RP1: variants seen among roughly 807,000 people sequenced by gnomAD.
RP1 encodes the protein RP1 axonemal microtubule associated, also known as oxygen-regulated protein 1.
RP1 carries 16 observed loss-of-function variants against 14.8 expected under a neutral mutation model. The observed-to-expected ratio is 1.08, with a 90% CI of 0.73 to 1.65. RP1 has a LOEUF of 1.65. RP1 is among the 40% of genes most tolerant of loss of function. RP1 has a pLI of 0.00. For missense variants in RP1, 2,631 were observed against 2,535.0 expected, an observed-to-expected ratio of 1.04 and a Z score of -0.81; for synonymous variants, 876 against 883.6, an observed-to-expected ratio of 0.99 and a Z score of 0.15.
At chr8:54,789,153 A>G (rs1228619126) in intron 24 of RP1, among the ~76,000 whole-genome samples, 1 of 152,168 alleles carries the variant, frequency 6.6e-6, no homozygotes, top group African/African-American at 2.4e-5. Flanking sequence ...GTTCACAGCA[A>G]CCAGTGCACA....
At chr8:54,864,221 A>G (rs190490319) in intron 27 of RP1, among the ~76,000 whole-genome samples, 1 of 152,290 alleles carries the variant, frequency 6.6e-6, no homozygotes, top group East Asian at 1.9e-4. Context: ...AAAAGGACGA[A>G]GGTGTCGATA....
chr8:54,667,131 T>C (rs1168479476), intron 7 of RP1, among the ~76,000 whole-genome samples: 1 of 152,028 alleles, frequency 6.6e-6, no homozygotes, highest in Non-Finnish European at 1.5e-5. Flanking sequence ...TTCATTTTTC[T>C]ATTTTTGTAC....
intron 24 of RP1, among the ~76,000 whole-genome samples, chr8:54,805,818 C>T (rs1045721221): frequency 6.6e-6 from 1 of 151,602 alleles, no homozygotes; most frequent in Admixed American, 6.6e-5. Flanking sequence ...TATATGGCAT[C>T]TGAAACTTTG....
chr8:54,791,424 A>G (rs1211791419), intron 24 of RP1, among the ~76,000 whole-genome samples: 3 of 152,120 alleles, frequency 2.0e-5, no homozygotes, highest in Admixed American at 1.3e-4. Context: ...AAAAATAAAT[A>G]TATATAGTCA....
At chr8:54,701,805 T>C in intron 14 of RP1, 1 of 707,186 alleles carries the variant, frequency 1.4e-6, no homozygotes, top group Non-Finnish European at 2.3e-6. Flanking sequence ...TTCCATTCTG[T>C]TTGGCAGACT....
intron 1 of RP1, among the ~76,000 whole-genome samples, chr8:54,597,067 T>G (rs1240749066): frequency 6.6e-6 from 1 of 152,162 alleles, no homozygotes; most frequent in Non-Finnish European, 1.5e-5. Context: ...ACCTTCAGCA[T>G]TTCCATGTTC....
intron 1 of RP1, among the ~76,000 whole-genome samples, chr8:54,566,314 G>A (rs1371394319): frequency 6.6e-6 from 1 of 151,594 alleles, no homozygotes; most frequent in East Asian, 1.9e-4. Flanking sequence ...AGAGGGAGAC[G>A]GGAAGACTCA....
chr8:54,701,424 G>A (rs1455586474), intron 13 of RP1: 29 of 1,392,150 alleles, frequency 2.1e-5, no homozygotes, highest in Non-Finnish European at 9.5e-7. Context: ...TATATAATGT[G>A]ATTACATTAA....
chr8:54,674,906 G>T (rs1807261159), intron 8 of RP1, among the ~76,000 whole-genome samples: 1 of 151,956 alleles, frequency 6.6e-6, no homozygotes, highest in African/African-American at 2.4e-5. Context: ...CAGAGTCTAG[G>T]CCTGAATCCA....
chr8:54,801,658 G>C (rs140316888), intron 24 of RP1, among the ~76,000 whole-genome samples: 34 of 152,204 alleles, frequency 2.2e-4, no homozygotes, highest in Middle Eastern at 3.4e-3. Flanking sequence ...CAAGTGCCTG[G>C]TGGGGTTCTT....
At chr8:54,620,157 A>C (rs574510250) in intron 1 of RP1, among the ~76,000 whole-genome samples, 2 of 152,338 alleles carry the variant, frequency 1.3e-5, no homozygotes, top group East Asian at 3.9e-4. Flanking sequence ...CACCATCAAC[A>C]CTGGGTTGTA....
intron 7 of RP1, among the ~76,000 whole-genome samples, chr8:54,666,002 T>C (rs1467632382): frequency 6.6e-6 from 1 of 152,108 alleles, no homozygotes; most frequent in Non-Finnish European, 1.5e-5. Flanking sequence ...TCATTCTCTG[T>C]GGTCCCTGGG....
At chr8:54,570,736 A>C (rs1804502482) in intron 1 of RP1, among the ~76,000 whole-genome samples, 1 of 152,024 alleles carries the variant, frequency 6.6e-6, no homozygotes, top group Non-Finnish European at 1.5e-5. Context: ...GGAAAGGAAA[A>C]CTGGCTTTGT....
intron 24 of RP1, among the ~76,000 whole-genome samples, chr8:54,801,638 A>T (rs915351065): frequency 6.6e-6 from 1 of 151,852 alleles, no homozygotes; most frequent in Admixed American, 6.6e-5. Flanking sequence ...GTTCACCTCA[A>T]CCTTCCCTGC....
At position 54,645,780 on chromosome 8, in the gene RP1, C is replaced by T. The variant is rs191763778; in HGVS notation, c.788-3205C>T. 3.8e-3 allele frequency among the ~76,000 whole-genome samples: 572 copies of T among 152,174 alleles called. 3 individuals are homozygous for T. The highest frequency in any genetic ancestry group is 5.9e-3 in the Non-Finnish European group (398 of 67,982). ...TTTTAGAATAGTTTGATACAAAATT[C>T]ACCACTGAAGCCATCTGGGCCTGAA... On this transcript the variant is annotated intron_variant, in intron 3 of 22. Transcript: ENST00000636932.
Position 54,627,643 on chromosome 8 carries a change from TG to T in RP1, c.3762del (p.Thr1255LeufsTer10). On this transcript the variant is annotated frameshift_variant, in exon 4 of 4. Transcript: ENST00000220676. LOFTEE classifies it low-confidence loss of function (END_TRUNC). ...ACAPEVCVLE[V>X]TCSPCEMCTV... ...GCCCCTGAAGTCTGTGTTTTGGAAG[TG>T]ACTTGCTCTCCATGTGAGATGTGCA... The T allele has an allele frequency of 6.2e-7, 1 of 1,614,200 alleles. No homozygotes were observed. The highest frequency in any genetic ancestry group is 8.5e-7 in the Non-Finnish European group (1 of 1,179,988).
At chr8:54,698,985 T>A (rs1038721930) in intron 12 of RP1, among the ~76,000 whole-genome samples, 5 of 152,180 alleles carry the variant, frequency 3.3e-5, no homozygotes, top group Admixed American at 2.0e-4. Flanking sequence ...CATGTATACC[T>A]ATATTAGAAA....
exon 23 of RP1, chr8:54,769,793 C>T: frequency 1.3e-6 from 2 of 1,533,252 alleles, no homozygotes; most frequent in East Asian, 4.9e-5. Context: ...TGAACTTTAT[C>T]TTCAAGGTGA....
At position 54,667,780 on chromosome 8, in the gene RP1, C is replaced by G. The variant is rs1282585260; in HGVS notation, c.1323+3930C>G. ...CCAGTCTGCCATATTGCTGACATCA[C>G]CCAACCCAGTGATGGTTTAAAGAGT... On this transcript the variant is annotated intron_variant, in intron 7 of 22. Coordinates refer to the RP1 transcript ENST00000636932. Among the ~76,000 whole-genome samples, 2 of 152,042 alleles carry G rather than the reference C, an allele frequency of 1.3e-5. 1 individual carries two copies. The highest frequency in any genetic ancestry group is 2.9e-5 in the Non-Finnish European group (2 of 67,988).
Sources: allele counts gnomAD v4.1 joint callset (sites outside exome capture counted in the v4.1 genomes callset), GRCh38; gene constraint gnomAD v4.1.1; transcripts MANE v1.5; gene names NCBI Gene and HGNC (gene_info 2026-07-23, HGNC 2026-07-21).